Variants in LSM2 observed in about 807,000 individuals in gnomAD.
The protein encoded by LSM2 is U6 snRNA-associated Sm-like protein LSm2.
In LSM2, 12 loss-of-function variants were observed where a neutral mutation model predicts 17.0. That is an observed-to-expected ratio of 0.70 (90% CI 0.45 to 1.14). The LOEUF (loss-of-function observed/expected upper bound fraction) is 1.14. Ranked by LOEUF, LSM2 falls within the 50% of genes most tolerant of loss-of-function variation. The pLI is 0.00. For synonymous variants in LSM2, 42 were observed against 44.5 expected, an observed-to-expected ratio of 0.94 and a Z score of 0.22; for missense variants, 62 against 111.8, an observed-to-expected ratio of 0.55 and a Z score of 2.01.
intron 2 of LSM2, among the ~76,000 whole-genome samples, chr6:31,800,722 C>T (rs568883434): frequency 5.9e-5 from 9 of 152,022 alleles, no homozygotes; most frequent in Non-Finnish European, 1.2e-4. Flanking sequence ...CCCGTCTCTA[C>T]TAAAAATACA....
At chr6:31,797,942 G>C in intron 4 of LSM2, 48 bp downstream of exon 4, 1 of 1,612,046 alleles carries the variant, frequency 6.2e-7, no homozygotes, top group Non-Finnish European at 8.5e-7. Flanking sequence ...CCACCCAGGG[G>C]CCTCCTGCTT....
intron 2 of LSM2, among the ~76,000 whole-genome samples, chr6:31,799,790 G>C (rs1305365914): frequency 6.6e-6 from 1 of 152,028 alleles, no homozygotes; most frequent in Non-Finnish European, 1.5e-5. Flanking sequence ...GATGATGCAG[G>C]CATGAGTGAT....
intron 2 of LSM2, among the ~76,000 whole-genome samples, chr6:31,804,139 G>C (rs1150748): frequency 0.26 from 38,940 of 151,944 alleles, 6,367 homozygotes; most frequent in Middle Eastern, 0.38. Context: ...GAGGCAGGTG[G>C]ATCACAAGGT....
At chr6:31,800,056 G>A (rs909909330) in intron 2 of LSM2, among the ~76,000 whole-genome samples, 1 of 152,206 alleles carries the variant, frequency 6.6e-6, no homozygotes, top group African/African-American at 2.4e-5. Flanking sequence ...AATAACTGTG[G>A]CCGGGCACGG....
At chr6:31,801,445 TCC>T in intron 2 of LSM2, among the ~76,000 whole-genome samples, 2 of 152,082 alleles carry the variant, frequency 1.3e-5, no homozygotes, top group Non-Finnish European at 2.9e-5. Context: ...TTTTATTAAG[TCC>T]CTTAAGGAGG....
intron 2 of LSM2, among the ~76,000 whole-genome samples, chr6:31,799,587 A>G (rs1306101865): frequency 3.4e-5 from 5 of 148,584 alleles, no homozygotes; most frequent in Non-Finnish European, 7.4e-5. Context: ...CGATCTCCTG[A>G]CCTCATGATC....
In LSM2 at chr6:31,806,872, G is replaced by T; in HGVS notation, c.-115C>A. The stretch of plus-strand genomic sequence containing the variant: ...TGGGGCGAGGCGGGACCGCGCAGGC[G>T]CAGCGGGAAGCGACGCAGAAAGCTC... On this transcript the variant is annotated 5_prime_UTR_variant, in exon 1 of 5. Transcript: ENST00000375661. 7.4e-7 allele frequency: 1 copy of T among 1,345,856 alleles called. No homozygotes were observed. The highest frequency in any genetic ancestry group is 9.9e-7 in the Non-Finnish European group (1 of 1,006,824). The allele number at this position is 1,345,856 out of a possible 1,614,324, so 83.4% of individuals were successfully genotyped here. A position where few individuals can be genotyped will look rare whatever the true frequency, so the allele number is the denominator to read the frequency against.
At chr6:31,798,386 T>G in intron 3 of LSM2, 91 bp downstream of exon 3, 1 of 1,499,846 alleles carries the variant, frequency 6.7e-7, no homozygotes, top group Non-Finnish European at 9.2e-7. Context: ...AACACCATTA[T>G]TAACCCTAGA....
At chr6:31,806,547 C>A in intron 1 of LSM2, 1 of 722,460 alleles carries the variant, frequency 1.4e-6, no homozygotes, top group Non-Finnish European at 2.4e-6. Context: ...CTGAATCTCT[C>A]TCAGGGTTGG....
intron 2 of LSM2, among the ~76,000 whole-genome samples, chr6:31,799,477 C>T (rs963079543): frequency 5.3e-5 from 8 of 152,154 alleles, no homozygotes; most frequent in Admixed American, 5.2e-4. Flanking sequence ...CTGCCTCAGC[C>T]TCCCGAGTAG....
chr6:31,797,660 CAA>C lies in LSM2; in HGVS notation c.*95_*96del, dbSNP rs1814450904. The C allele has an allele frequency of 3.2e-6, 5 of 1,563,852 alleles. No individual in the cohort carries two copies. Among genetic ancestry groups the C allele is most frequent in the Non-Finnish European group, 4.3e-6 (5 of 1,153,806 alleles). ...CACAAAACCATCATTAGTAAAAAAA[CAA>C]AACCCCTTCAAGTATTGGGGGTTAG... On this transcript the variant is annotated 3_prime_UTR_variant, in exon 5 of 5. Coordinates refer to ENST00000375661, the MANE Select transcript of LSM2 (RefSeq NM_021177.5).
chr6:31,799,489 TG>T (rs2151444352), intron 2 of LSM2, among the ~76,000 whole-genome samples: 1 of 152,246 alleles, frequency 6.6e-6, no homozygotes, highest in African/African-American at 2.4e-5. Context: ...CCCGAGTAGC[TG>T]GGACTACAGA....
At chr6:31,800,930 C>G (rs180808559) in intron 2 of LSM2, among the ~76,000 whole-genome samples, 6 of 151,340 alleles carry the variant, frequency 4.0e-5, no homozygotes, top group African/African-American at 1.2e-4. Context: ...GTGGTGTGCA[C>G]CTGTAATCCC....
chr6:31,803,746 A>G (rs1489706712), intron 2 of LSM2, among the ~76,000 whole-genome samples: 2 of 151,944 alleles, frequency 1.3e-5, no homozygotes, highest in Non-Finnish European at 2.9e-5. Context: ...ACATCTGGCT[A>G]ATTTTTGTAT....
chr6:31,804,170 G>T (rs1295486487), intron 2 of LSM2, among the ~76,000 whole-genome samples: 1 of 152,056 alleles, frequency 6.6e-6, no homozygotes, highest in African/African-American at 2.4e-5. Flanking sequence ...AGACCAGCCT[G>T]GCCTAGATGG....
At position 31,799,890 on chromosome 6, in the gene LSM2, A is replaced by C. The variant is rs139101252; in HGVS notation, c.72-1383T>G. The stretch of plus-strand genomic sequence containing the variant: ...CAGTGCTCTTTGAGAGAATGGTGCA[A>C]AAATTTAAAAAAACAGCCTTTGGCT... On this transcript the variant is annotated intron_variant, in intron 2 of 4. Coordinates refer to ENST00000375661, the MANE Select transcript of LSM2 (RefSeq NM_021177.5). 9.9e-3 allele frequency among the ~76,000 whole-genome samples: 1,490 copies of C among 150,590 alleles called. 14 individuals carry two copies. Among genetic ancestry groups the C allele is most frequent in the Non-Finnish European group, 0.017 (1,131 of 67,018 alleles).
chr6:31,804,763 CTT>C (rs9279424), intron 2 of LSM2, among the ~76,000 whole-genome samples: 6 of 104,870 alleles, frequency 5.7e-5, no homozygotes, highest in Middle Eastern at 7.4e-3. Flanking sequence ...TCTTTTTTTT[CTT>C]TTTTTTTTTT....
chr6:31,801,854 C>T (rs1339765532), intron 2 of LSM2, among the ~76,000 whole-genome samples: 2 of 151,536 alleles, frequency 1.3e-5, no homozygotes, highest in African/African-American at 4.9e-5. Flanking sequence ...CACTTTAAAG[C>T]CACACACATA....
Position 31,806,777 on chromosome 6 carries a change from G to GCGGGC in LSM2, c.-25_-21dup. ...CACCATGGTGCTGGCGCCGCGGGCA[G>GCGGGC]CGGGCCGGACCGGGAAGACAGCAGG... On this transcript the variant is annotated 5_prime_UTR_variant, in exon 1 of 5. Transcript: ENST00000375661. 2.5e-6 allele frequency: 4 copies of GCGGGC among 1,609,248 alleles called. No individual in the cohort carries two copies. Among genetic ancestry groups the GCGGGC allele is most frequent in the Non-Finnish European group, 3.4e-6 (4 of 1,178,612 alleles).
Sources: gnomAD v4.1 joint callset for allele counts (sites outside exome capture counted in the v4.1 genomes callset) on GRCh38, gnomAD v4.1.1 for gene constraint, MANE v1.5 for transcripts, NCBI Gene and HGNC (gene_info 2026-07-23, HGNC 2026-07-21) for gene names.